The following SLCO1A2 variants were observed in gnomAD, a reference collection of about 807,000 sequenced individuals.
The protein encoded by SLCO1A2 is OATP-1.
Under a neutral mutation model 69.0 loss-of-function variants are expected in SLCO1A2, and 67 were observed. That is an observed-to-expected ratio of 0.97 (90% CI 0.80 to 1.19). SLCO1A2 has a LOEUF of 1.19. Among genes scored for constraint, SLCO1A2 ranks in the 50% most tolerant of loss-of-function variants. SLCO1A2 has a pLI of 0.00. For synonymous variants in SLCO1A2, 260 were observed against 265.9 expected (o/e 0.98, Z 0.22); for missense variants, 787 against 793.7 (o/e 0.99, Z 0.10).
At chr12:21,342,509 T>G (rs1471126748) in intron 2 of SLCO1A2, among the ~76,000 whole-genome samples, 1 of 152,028 alleles carries the variant, frequency 6.6e-6, no homozygotes, top group Non-Finnish European at 1.5e-5. Context: ...TTAAAACATA[T>G]AGTAAACTCC....
intron 1 of SLCO1A2, among the ~76,000 whole-genome samples, chr12:21,403,917 G>C (rs1941780208): frequency 6.6e-6 from 1 of 151,962 alleles, no homozygotes; most frequent in Admixed American, 6.6e-5. Flanking sequence ...TGTACTCATT[G>C]AGTAAACTGA....
rs1412841553 is a variant in SLCO1A2, at chr12:21,269,455, A to C, written c.*93T>G. The C allele has an allele frequency of 1.1e-5, 10 of 882,706 alleles. No individual in the cohort carries two copies. The highest frequency in any genetic ancestry group is 1.7e-5 in the Non-Finnish European group (10 of 592,818). 54.7% of individuals were successfully genotyped at this position (882,706 alleles called of 1,614,324 possible). ...GGTTTTTTAGGTTCTTAAAGACAAG[A>C]AAAAGTTATCTATTATATCTCTACT... On this transcript the variant is annotated 3_prime_UTR_variant, in exon 15 of 15. Transcript: ENST00000683939.
At position 21,314,613 on chromosome 12, in the gene SLCO1A2, T is replaced by C; in HGVS notation, c.271A>G (p.Ile91Val). Residue 91 changes from isoleucine (I) to valine (V), a missense_variant, in exon 4 of 15, where the codon ATT (isoleucine) becomes GTT (valine). By Grantham distance (29) the Ile-to-Val change is conservative. Transcript: ENST00000683939. Reference protein sequence around the residue: ...TKLHRPIMIGIGCVVMGLGCF... With the variant: ...TKLHRPIMIGVGCVVMGLGCF... ...CCTAAGCCCATAACCACACATCCAA[T>C]GCCAATCATTATAGGTCTATGCAGT... 2 of 1,613,850 alleles carry C rather than the reference T, an allele frequency of 1.2e-6. No individual in the cohort carries two copies. The highest frequency in any genetic ancestry group is 1.7e-6 in the Non-Finnish European group (2 of 1,179,730).
intron 2 of SLCO1A2, among the ~76,000 whole-genome samples, chr12:21,366,694 T>C (rs1939415856): frequency 6.6e-6 from 1 of 152,030 alleles, no homozygotes; most frequent in African/African-American, 2.4e-5. Context: ...GAGATAACGA[T>C]GGATATTACA....
At chr12:21,383,890 T>C (rs1940734685) in intron 1 of SLCO1A2, among the ~76,000 whole-genome samples, 1 of 152,180 alleles carries the variant, frequency 6.6e-6, no homozygotes, top group African/African-American at 2.4e-5. Context: ...CTATAACAGA[T>C]GCACAATACA....
At chr12:21,352,514 G>T (rs1938042514) in intron 2 of SLCO1A2, among the ~76,000 whole-genome samples, 1 of 152,264 alleles carries the variant, frequency 6.6e-6, no homozygotes, top group African/African-American at 2.4e-5. Context: ...ACAGCTATGT[G>T]TGGTTGTGTC....
chr12:21,272,861 T>C (rs1255524401), intron 14 of SLCO1A2, among the ~76,000 whole-genome samples: 1 of 152,174 alleles, frequency 6.6e-6, no homozygotes, highest in Non-Finnish European at 1.5e-5. Flanking sequence ...TAAATCTAAT[T>C]AATCATTTTC....
intron 1 of SLCO1A2, among the ~76,000 whole-genome samples, chr12:21,414,804 C>T (rs889040447): frequency 1.2e-4 from 19 of 152,184 alleles, no homozygotes; most frequent in Non-Finnish European, 2.6e-4. Flanking sequence ...GATTTATAAA[C>T]ATTTCTCTCA....
At chr12:21,318,685 A>T in intron 3 of SLCO1A2, 97 bp downstream of exon 3, 2 of 1,035,654 alleles carry the variant, frequency 1.9e-6, no homozygotes, top group Non-Finnish European at 2.7e-6. Flanking sequence ...CGGTCAGATT[A>T]AATGACCTAA....
chr12:21,411,550 C>CA (rs1451310735), intron 1 of SLCO1A2, among the ~76,000 whole-genome samples: 1 of 152,218 alleles, frequency 6.6e-6, no homozygotes, highest in Admixed American at 6.5e-5. Context: ...ATCCACCCCT[C>CA]ACAGACTTCC....
At chr12:21,284,389 C>T (rs562652588) in intron 12 of SLCO1A2, among the ~76,000 whole-genome samples, 45 of 152,162 alleles carry the variant, frequency 3.0e-4, no homozygotes, top group African/African-American at 8.7e-4. Context: ...AGACAGTGGG[C>T]GCAGGCCAAT....
intron 1 of SLCO1A2, among the ~76,000 whole-genome samples, chr12:21,391,583 G>A (rs1941155315): frequency 6.6e-6 from 1 of 152,012 alleles, no homozygotes; most frequent in South Asian, 2.1e-4. Flanking sequence ...AGTAAGTGCA[G>A]GTACCTTGAA....
At chr12:21,314,833 T>A (rs1477745344) in intron 3 of SLCO1A2, 152 bp from the exon 4 acceptor site, 1 of 660,754 alleles carries the variant, frequency 1.5e-6, no homozygotes, top group East Asian at 2.7e-5. Context: ...AATAAATGAA[T>A]ATAACACAAT....
intron 1 of SLCO1A2, among the ~76,000 whole-genome samples, chr12:21,405,877 G>C (rs11046018): frequency 0.11 from 16,441 of 152,152 alleles, 1,125 homozygotes; most frequent in East Asian, 0.37. Flanking sequence ...CTGTTACCTT[G>C]GACAAGTTAA....
chr12:21,405,179 T>G (rs1941803018), intron 1 of SLCO1A2, among the ~76,000 whole-genome samples: 1 of 152,182 alleles, frequency 6.6e-6, no homozygotes, highest in South Asian at 2.1e-4. Context: ...GTAGGTTGTC[T>G]GTTCACTCGG....
intron 3 of SLCO1A2, among the ~76,000 whole-genome samples, chr12:21,316,376 C>T (rs564643823): frequency 1.2e-4 from 18 of 152,202 alleles, no homozygotes; most frequent in East Asian, 3.9e-4. Flanking sequence ...TCATAGATTC[C>T]GCTTTTCCCC....
At chr12:21,347,669 A>AAAGGTAGGAAGGAAGGAAGGAAGG (rs1953310470) in intron 2 of SLCO1A2, among the ~76,000 whole-genome samples, 2 of 113,422 alleles carry the variant, frequency 1.8e-5, no homozygotes, top group Admixed American at 9.4e-5. Context: ...AGAAAGAAAG[A>AAAGGTAGGAAGGAAGGAAGGAAGG]AAGGAAGGAA....
intron 2 of SLCO1A2, among the ~76,000 whole-genome samples, chr12:21,357,721 T>G (rs529441249): frequency 6.6e-6 from 1 of 151,588 alleles, no homozygotes; most frequent in Non-Finnish European, 1.5e-5. Flanking sequence ...TGTGTTTATT[T>G]TTTTTGTTTT....
At chr12:21,383,414 T>A (rs1940709856) in intron 1 of SLCO1A2, among the ~76,000 whole-genome samples, 1 of 152,154 alleles carries the variant, frequency 6.6e-6, no homozygotes, top group African/African-American at 2.4e-5. Context: ...ATCTGCCTCA[T>A]TACTGCTTCC....
Sources: gnomAD v4.1 joint callset for allele counts (sites outside exome capture counted in the v4.1 genomes callset) on GRCh38, gnomAD v4.1.1 for gene constraint, MANE v1.5 for transcripts, NCBI Gene and HGNC (gene_info 2026-07-23, HGNC 2026-07-21) for gene names.